Variants in CSMD2 observed in about 807,000 individuals in gnomAD.
CSMD2 encodes the protein CUB and Sushi multiple domains 2, also known as CUB and sushi domain-containing protein 2.
CSMD2 carries 130 observed loss-of-function variants against 398.5 expected under a neutral mutation model. The ratio of observed to expected loss-of-function variants is 0.33; its 90% CI spans 0.28 to 0.38. CSMD2 has a LOEUF of 0.38. Among genes scored for constraint, CSMD2 ranks in the 10% least tolerant of loss-of-function variants. The probability of loss-of-function intolerance (pLI) is 1.00; values close to 1 mark genes in which losing one functional copy is unlikely to be tolerated. For synonymous variants in CSMD2, 1,828 were observed against 1,908.5 expected (o/e 0.96, Z 1.10); for missense variants, 3,829 against 4,764.9 (o/e 0.80, Z 5.78).
intron 19 of CSMD2, among the ~76,000 whole-genome samples, chr1:33,721,894 T>C (rs2149195009): frequency 6.6e-6 from 1 of 152,356 alleles, no homozygotes; most frequent in South Asian, 2.1e-4. Context: ...GACAACATCT[T>C]GGGGTATATT....
intron 2 of CSMD2, among the ~76,000 whole-genome samples, chr1:34,039,222 G>T (rs766561395): frequency 2.0e-5 from 3 of 152,158 alleles, no homozygotes; most frequent in Non-Finnish European, 2.9e-5. Context: ...GCCTGGCCAT[G>T]ACACCAGCTT....
chr1:34,135,327 G>C (rs998241574), intron 1 of CSMD2, among the ~76,000 whole-genome samples: 1 of 150,014 alleles, frequency 6.7e-6, no homozygotes, highest in Non-Finnish European at 1.5e-5. Flanking sequence ...CCCAAAACTA[G>C]AAAAAGCCTA....
intron 1 of CSMD2, among the ~76,000 whole-genome samples, chr1:34,120,002 A>G (rs1199396612): frequency 1.3e-5 from 2 of 152,384 alleles, no homozygotes; most frequent in South Asian, 2.1e-4. Context: ...CACAATGGAC[A>G]AGAGGTAGAA....
intron 10 of CSMD2, among the ~76,000 whole-genome samples, chr1:33,792,932 C>T (rs1224982126): frequency 6.6e-6 from 1 of 152,210 alleles, no homozygotes; most frequent in Non-Finnish European, 1.5e-5. Flanking sequence ...AAGTTTCTCT[C>T]GTCTTCTCCT....
intron 53 of CSMD2, among the ~76,000 whole-genome samples, chr1:33,561,947 TAAAG>T (rs1190575345): frequency 6.6e-6 from 1 of 152,044 alleles, no homozygotes; most frequent in Non-Finnish European, 1.5e-5. Flanking sequence ...ATCACTCATA[TAAAG>T]AGAGAGAAGA....
chr1:34,026,166 C>T (rs1201583237), intron 3 of CSMD2, among the ~76,000 whole-genome samples: 1 of 152,202 alleles, frequency 6.6e-6, no homozygotes, highest in East Asian at 1.9e-4. Context: ...ATTTTATAGG[C>T]ACAGAGGCTG....
At chr1:33,970,797 T>G (rs1645733945) in intron 3 of CSMD2, among the ~76,000 whole-genome samples, 1 of 152,194 alleles carries the variant, frequency 6.6e-6, no homozygotes, top group Admixed American at 6.5e-5. Flanking sequence ...CCAGGTCACT[T>G]AACTGGTAAG....
In CSMD2 at chr1:33,635,094, CTG is replaced by C. The variant is rs1185453516; in HGVS notation, c.5086+118_5086+119del. 1.5e-6 allele frequency: 1 copy of C among 656,048 alleles called. No individual in the cohort carries two copies. The highest frequency in any genetic ancestry group is 2.8e-6 in the Non-Finnish European group (1 of 361,160). The allele number at this position is 656,048 out of a possible 1,614,324, so 40.6% of individuals were successfully genotyped here. ...GCACTCGGCCGTCCTTTTGGGGAGA[CTG>C]TTCTGCGATTCCCACAATGGGGCTG... On this transcript the variant is annotated intron_variant, in intron 31 of 70. Coordinates refer to ENST00000373381, the MANE Select transcript of CSMD2 (RefSeq NM_001281956.2). The surrounding 1 kb of genome is among the most constrained non-coding windows in gnomAD (Gnocchi z 5.0).
At chr1:33,919,887 C>G (rs1036312867) in intron 4 of CSMD2, among the ~76,000 whole-genome samples, 3 of 152,208 alleles carry the variant, frequency 2.0e-5, no homozygotes, top group Non-Finnish European at 2.9e-5. Flanking sequence ...AGCCACTGTT[C>G]TAGGTGCTGG....
chr1:33,965,804 C>A (rs1645535866), intron 3 of CSMD2, among the ~76,000 whole-genome samples: 1 of 152,218 alleles, frequency 6.6e-6, no homozygotes, highest in African/African-American at 2.4e-5. Context: ...ACCTGTGTGA[C>A]CTCACAGTTT....
At chr1:33,840,143 C>T (rs1443184940) in intron 6 of CSMD2, 6 of 152,106 alleles carry the variant, frequency 3.9e-5, no homozygotes, top group Admixed American at 3.9e-4. Flanking sequence ...TGTTCTAGTT[C>T]CCAGAATAGT....
At chr1:33,564,591 T>C (rs1268354150) in intron 53 of CSMD2, among the ~76,000 whole-genome samples, 2 of 152,192 alleles carry the variant, frequency 1.3e-5, no homozygotes, top group Non-Finnish European at 2.9e-5. Context: ...ATTTTTGAGA[T>C]GGGATCTCAT....
chr1:33,895,776 C>T (rs1642348798), intron 5 of CSMD2, among the ~76,000 whole-genome samples: 1 of 152,112 alleles, frequency 6.6e-6, no homozygotes, highest in South Asian at 2.1e-4. Context: ...GTTCCCAGCC[C>T]CCATGAGTTT....
intron 14 of CSMD2, 26 bp downstream of exon 14, chr1:33,743,254 C>A (rs750803938): frequency 3.8e-6 from 6 of 1,559,512 alleles, no homozygotes; most frequent in Middle Eastern, 1.7e-4. Context: ...GATGGAGGGC[C>A]AGCTGGTGAC....
chr1:33,660,479 G>A (rs1644096011), intron 26 of CSMD2, among the ~76,000 whole-genome samples: 1 of 152,174 alleles, frequency 6.6e-6, no homozygotes, highest in African/African-American at 2.4e-5. Context: ...TGCACTAATC[G>A]TCCCTGGCAT....
At chr1:33,800,171 G>C (rs1053464480) in intron 10 of CSMD2, among the ~76,000 whole-genome samples, 4 of 152,246 alleles carry the variant, frequency 2.6e-5, no homozygotes, top group African/African-American at 9.6e-5. Flanking sequence ...GTTGCTGCCA[G>C]TGTAACTATT....
chr1:33,934,944 C>T (rs1481122100), intron 4 of CSMD2, among the ~76,000 whole-genome samples: 1 of 143,656 alleles, frequency 7.0e-6, no homozygotes, highest in Non-Finnish European at 1.5e-5. Context: ...TTTGAGGCTG[C>T]AGTGAGCCAT....
intron 2 of CSMD2, among the ~76,000 whole-genome samples, chr1:34,041,696 G>A (rs371610610): frequency 2.6e-4 from 40 of 152,204 alleles, no homozygotes; most frequent in South Asian, 1.2e-3. Context: ...CAGTAGGCAC[G>A]TATAGTCTGG....
At chr1:33,976,414 C>G (rs2147938360) in intron 3 of CSMD2, among the ~76,000 whole-genome samples, 1 of 152,350 alleles carries the variant, frequency 6.6e-6, no homozygotes, top group South Asian at 2.1e-4. Flanking sequence ...GATCTGGCCT[C>G]TGGCTTCATT....
Sources: allele counts gnomAD v4.1 joint callset (sites outside exome capture counted in the v4.1 genomes callset), GRCh38; gene constraint gnomAD v4.1.1; non-coding constraint Gnocchi (gnomAD v3.1); transcripts MANE v1.5; gene names NCBI Gene and HGNC (gene_info 2026-07-23, HGNC 2026-07-21).